ATP8A1: variants seen among roughly 807,000 people sequenced by gnomAD.
ATP8A1 encodes the protein phospholipid-transporting ATPase IA.
ATP8A1 carries 90 observed loss-of-function variants against 177.7 expected under a neutral mutation model. That is an observed-to-expected ratio of 0.51 (90% CI 0.43 to 0.60). The LOEUF is 0.60. ATP8A1 is among the 20% of genes least tolerant of loss of function. ATP8A1 has a pLI of 0.00. For synonymous variants in ATP8A1, 493 were observed against 485.9 expected (o/e 1.01, Z -0.19); for missense variants, 1,072 against 1,392.8 (o/e 0.77, Z 3.67).
chr4:42,581,838 A>T (rs1228220134), intron 9 of ATP8A1, 106 bp from the exon 10 acceptor site: 1 of 794,286 alleles, frequency 1.3e-6, no homozygotes, highest in East Asian at 2.6e-5. Context: ...AACCCTTCTC[A>T]TATTTATTTC....
chr4:42,507,799 A>AC (rs1560402922), intron 22 of ATP8A1, among the ~76,000 whole-genome samples: 4 of 119,014 alleles, frequency 3.4e-5, no homozygotes, highest in East Asian at 6.7e-4. Flanking sequence ...AAAAAAAAAA[A>AC]AAAAAAAAAA....
At chr4:42,586,207 G>A (rs1013499593) in intron 9 of ATP8A1, 142 bp downstream of exon 9, 12 of 842,236 alleles carry the variant, frequency 1.4e-5, no homozygotes, top group Non-Finnish European at 2.1e-5. Flanking sequence ...AGGACTCAGG[G>A]CAGAATAAAA....
chr4:42,497,802 T>C (rs1723436408), intron 24 of ATP8A1, among the ~76,000 whole-genome samples: 2 of 152,230 alleles, frequency 1.3e-5, no homozygotes, highest in Non-Finnish European at 2.9e-5. Context: ...TTTGGTAATG[T>C]TTACACTTTT....
intron 25 of ATP8A1, 136 bp from the exon 26 acceptor site, chr4:42,465,212 T>C: frequency 1.3e-6 from 1 of 769,750 alleles, no homozygotes. Flanking sequence ...AGTTTTAGGT[T>C]TGCAAATGTT....
chr4:42,589,350 GA>G (rs1239145168), intron 7 of ATP8A1, among the ~76,000 whole-genome samples: 3 of 152,168 alleles, frequency 2.0e-5, no homozygotes, highest in South Asian at 2.1e-4. Context: ...AAGCTAGAAA[GA>G]AAAAAATTTA....
intron 31 of ATP8A1, 151 bp from the exon 32 acceptor site, chr4:42,444,785 G>T: frequency 1.2e-6 from 1 of 803,274 alleles, no homozygotes; most frequent in South Asian, 1.8e-5. Flanking sequence ...CAAAGAGACA[G>T]GTAAATTAGC....
At chr4:42,414,864 CAGAT>C (rs1713052448) in intron 35 of ATP8A1, 146 bp from the exon 36 acceptor site, 1 of 640,038 alleles carries the variant, frequency 1.6e-6, no homozygotes. Flanking sequence ...CACATTTTCT[CAGAT>C]AGCGAATGAA....
intron 1 of ATP8A1, among the ~76,000 whole-genome samples, chr4:42,649,899 T>G (rs1740915391): frequency 6.6e-6 from 1 of 152,168 alleles, no homozygotes; most frequent in Non-Finnish European, 1.5e-5. Flanking sequence ...GGGAGCAATA[T>G]ATCAGTGGAC....
intron 28 of ATP8A1, 29 bp from the exon 29 acceptor site, chr4:42,455,448 A>C: frequency 1.2e-6 from 2 of 1,613,766 alleles, no homozygotes; most frequent in Non-Finnish European, 1.7e-6. Context: ...TCATTATGTC[A>C]AGCAGCCAAA....
At chr4:42,599,727 G>A (rs1735058840) in intron 6 of ATP8A1, among the ~76,000 whole-genome samples, 1 of 152,154 alleles carries the variant, frequency 6.6e-6, no homozygotes, top group Admixed American at 6.5e-5. Context: ...ATACTGTCCT[G>A]TGAGATACAC....
At chr4:42,532,763 C>T (rs893510641) in intron 20 of ATP8A1, among the ~76,000 whole-genome samples, 7 of 152,240 alleles carry the variant, frequency 4.6e-5, no homozygotes, top group Non-Finnish European at 1.0e-4. Flanking sequence ...TGCATGTATA[C>T]ATCCAGATGG....
chr4:42,442,763 A>C (rs1260754877), intron 33 of ATP8A1, among the ~76,000 whole-genome samples: 1 of 152,176 alleles, frequency 6.6e-6, no homozygotes, highest in African/African-American at 2.4e-5. Flanking sequence ...ATACATGAAA[A>C]CCACTGGAAA....
chr4:42,427,959 G>T (rs1347685631), intron 33 of ATP8A1, among the ~76,000 whole-genome samples: 1 of 152,210 alleles, frequency 6.6e-6, no homozygotes, highest in Non-Finnish European at 1.5e-5. Flanking sequence ...GTTGTGGGTT[G>T]TTATAAATAA....
chr4:42,587,487 T>C (rs1349997603), intron 8 of ATP8A1, among the ~76,000 whole-genome samples: 4 of 151,920 alleles, frequency 2.6e-5, no homozygotes, highest in Admixed American at 6.6e-5. Flanking sequence ...GTTGTATTTT[T>C]AGTAGAGACA....
intron 20 of ATP8A1, 26 bp from the exon 21 acceptor site, chr4:42,524,873 GA>G: frequency 6.6e-7 from 1 of 1,506,922 alleles, no homozygotes; most frequent in Non-Finnish European, 9.1e-7. Flanking sequence ...AGGGTAAAAT[GA>G]TTTAATTAAG....
intron 22 of ATP8A1, among the ~76,000 whole-genome samples, chr4:42,507,390 G>C (rs1192812603): frequency 6.6e-6 from 1 of 152,082 alleles, no homozygotes. Flanking sequence ...GTAAGGAACA[G>C]ATTCTAAAAT....
chr4:42,635,362 A>T (rs2109522724), intron 1 of ATP8A1, among the ~76,000 whole-genome samples: 1 of 152,218 alleles, frequency 6.6e-6, no homozygotes, highest in South Asian at 2.1e-4. Context: ...CTATTATATT[A>T]TTTCCTAAAC....
intron 20 of ATP8A1, among the ~76,000 whole-genome samples, chr4:42,530,610 G>C (rs1001732425): frequency 2.6e-5 from 4 of 152,198 alleles, no homozygotes; most frequent in African/African-American, 9.7e-5. Context: ...GGGCTCACTG[G>C]TCTTACCATG....
At chr4:42,628,771 G>A (rs1186630903) in intron 1 of ATP8A1, among the ~76,000 whole-genome samples, 1 of 152,182 alleles carries the variant, frequency 6.6e-6, no homozygotes, top group East Asian at 1.9e-4. Context: ...CTTCGTGGTA[G>A]CATGAAGACC....
Sources: gnomAD v4.1 joint callset for allele counts (sites outside exome capture counted in the v4.1 genomes callset) on GRCh38, gnomAD v4.1.1 for gene constraint, MANE v1.5 for transcripts, NCBI Gene and HGNC (gene_info 2026-07-23, HGNC 2026-07-21) for gene names.